Variants in NAPA observed in about 807,000 individuals in gnomAD.
The protein encoded by NAPA is NSF attachment protein alpha, also known as alpha-soluble NSF attachment protein.
NAPA carries 18 observed loss-of-function variants against 48.0 expected under a neutral mutation model. The ratio of observed to expected loss-of-function variants is 0.38; its 90% CI spans 0.26 to 0.56. The LOEUF is 0.56. Among genes scored for constraint, NAPA ranks in the 20% least tolerant of loss-of-function variants. The pLI, the probability that NAPA is intolerant of heterozygous loss-of-function variation, is 0.77. For missense variants in NAPA, 315 were observed against 385.0 expected, an observed-to-expected ratio of 0.82 and a Z score of 1.52; for synonymous variants, 152 against 149.9, an observed-to-expected ratio of 1.01 and a Z score of -0.10.
At chr19:47,499,970 A>G (rs1227716953) in intron 3 of NAPA, among the ~76,000 whole-genome samples, 1 of 152,224 alleles carries the variant, frequency 6.6e-6, no homozygotes, top group Non-Finnish European at 1.5e-5. Context: ...TGGCACCAAC[A>G]TTTTAAAAAA....
At chr19:47,492,194 G>A in intron 7 of NAPA, 75 bp from the exon 8 acceptor site, 1 of 1,339,970 alleles carries the variant, frequency 7.5e-7, no homozygotes, top group Non-Finnish European at 1.1e-6. Flanking sequence ...CCAGGCACTG[G>A]GGGGCCAGCT....
In NAPA at chr19:47,492,957, C is replaced by G. The variant is rs1391174903; in HGVS notation, c.561+4G>C. 1.2e-6 allele frequency: 2 copies of G among 1,613,966 alleles called. No homozygotes were observed. The highest frequency in any genetic ancestry group is 2.7e-5 in the African/African-American group (2 of 74,904). On this transcript the variant is annotated splice_donor_region_variant and intron_variant, in intron 7 of 10. Coordinates refer to ENST00000263354, the MANE Select transcript of NAPA (RefSeq NM_003827.4). ...TGGAAGCCGCCATCCCCACCTGTCC[C>G]CACCTGTTCGTAGATGTCAATGGCC...
intron 2 of NAPA, 80 bp from the exon 3 acceptor site, chr19:47,500,829 G>T: frequency 8.7e-7 from 1 of 1,144,038 alleles, no homozygotes; most frequent in Non-Finnish European, 1.2e-6. Context: ...GCCCTGGGAG[G>T]TGGGTCGGGC....
At chr19:47,502,101 C>T (rs1257829623) in intron 2 of NAPA, among the ~76,000 whole-genome samples, 3 of 151,662 alleles carry the variant, frequency 2.0e-5, no homozygotes, top group Non-Finnish European at 2.9e-5. Flanking sequence ...ATAAGCTGGG[C>T]GTAGTGGCAC....
chr19:47,510,197 G>A (rs1968779456), intron 1 of NAPA, among the ~76,000 whole-genome samples: 1 of 152,230 alleles, frequency 6.6e-6, no homozygotes, highest in African/African-American at 2.4e-5. Flanking sequence ...AAGGCGGTCT[G>A]GAGAGAAATC....
At chr19:47,495,803 ACT>A (rs1968408332) in intron 3 of NAPA, 1 of 583,300 alleles carries the variant, frequency 1.7e-6, no homozygotes, top group Non-Finnish European at 3.1e-6. Flanking sequence ...GAGAGGGCTG[ACT>A]CTGCAGACTG....
At chr19:47,503,629 C>A in intron 1 of NAPA, 127 bp from the exon 2 acceptor site, 2 of 858,254 alleles carry the variant, frequency 2.3e-6, no homozygotes, top group Non-Finnish European at 3.8e-6. Flanking sequence ...AAGCCAGCTT[C>A]CCCCAGGCCT....
intron 10 of NAPA, chr19:47,488,811 G>A (rs963706086): frequency 2.0e-5 from 3 of 152,888 alleles, no homozygotes; most frequent in Admixed American, 2.0e-4. Flanking sequence ...CAGCTACTCG[G>A]GAGGCTGAGG....
chr19:47,493,387 A>T lies in NAPA; in HGVS notation c.420+29T>A. The T allele has an allele frequency of 6.2e-7, 1 of 1,610,362 alleles. No individual in the cohort carries two copies. Among genetic ancestry groups the T allele is most frequent in the Non-Finnish European group, 8.5e-7 (1 of 1,176,802 alleles). ...GAGAGCAGCACTGGTCCTGGCTGCCAGCCCATGCAGGGCCCTGCTGCCACT... is the reference window on the plus strand; with the variant it reads ...GAGAGCAGCACTGGTCCTGGCTGCCTGCCCATGCAGGGCCCTGCTGCCACT... On this transcript the variant is annotated intron_variant, in intron 5 of 10. Coordinates refer to ENST00000263354, the MANE Select transcript of NAPA (RefSeq NM_003827.4). The surrounding 1 kb of genome is among the most constrained non-coding windows in gnomAD (Gnocchi z 6.4).
chr19:47,498,601 T>G (rs570759506), intron 3 of NAPA, among the ~76,000 whole-genome samples: 4 of 152,300 alleles, frequency 2.6e-5, no homozygotes, highest in African/African-American at 7.2e-5. Context: ...GGCTTTTTTT[T>G]GGGGACAGGA....
Position 47,514,916 on chromosome 19 carries a change from C to T in NAPA, c.25G>A (p.Glu9Lys), listed in dbSNP as rs141536777. The T allele has an allele frequency of 7.6e-4, 1,219 of 1,613,870 alleles. 9 individuals are homozygous for T. The highest frequency in any genetic ancestry group is 5.5e-4 in the Admixed American group (33 of 59,996). Residue 9 changes from glutamate to lysine, a missense_variant, in exon 1 of 11, where the codon GAG becomes AAG. Glu to Lys is a moderately conservative substitution (Grantham distance 56). This residue lies in a region of NAPA where 173 missense variants were observed against 213.5 expected (regional missense o/e 0.81). Coordinates refer to ENST00000263354, the MANE Select transcript of NAPA (RefSeq NM_003827.4). MDNSGKEA[E>K]AMALLAEAER... ...GCCTCGGCCAACAGCGCCATCGCCT[C>T]CGCTTCCTTCCCGGAATTGTCCATG... is the stretch of plus-strand genomic sequence containing the variant.
rs766175658 is a variant in NAPA, at chr19:47,490,760, G to T, written c.735+28C>A. The T allele has an allele frequency of 1.9e-6, 3 of 1,608,578 alleles. No homozygotes were observed. In the South Asian group the frequency reaches 3.3e-5, roughly 18 times the overall value. On this transcript the variant is annotated intron_variant, in intron 9 of 10. Transcript: ENST00000263354. The stretch of plus-strand genomic sequence containing the variant: ...GCCACCCCCGTCTGAGGTTCGGGAA[G>T]GGGGAGGCCGGAGCACCCAGCACTT...
chr19:47,488,395 G>A lies in NAPA; in HGVS notation c.787-6C>T, dbSNP rs745804380. On this transcript the variant is annotated splice_region_variant and splice_polypyrimidine_tract_variant and intron_variant, in intron 10 of 10. Coordinates refer to ENST00000263354, the MANE Select transcript of NAPA (RefSeq NM_003827.4). ...ATGGAGTCGTATTCCTTCACCTGAG[G>A]GCACACCAGGTGATAGGCTGGCCAT... The A allele has an allele frequency of 1.9e-6, 3 of 1,608,432 alleles. No individual in the cohort carries two copies. Among genetic ancestry groups the A allele is most frequent in the Non-Finnish European group, 2.6e-6 (3 of 1,175,582 alleles).
At chr19:47,511,303 C>T (rs1016968946) in intron 1 of NAPA, among the ~76,000 whole-genome samples, 1 of 152,182 alleles carries the variant, frequency 6.6e-6, no homozygotes, top group Non-Finnish European at 1.5e-5. Context: ...CAAGCAGGTC[C>T]TCCCAAGCTG....
chr19:47,496,769 C>T, intron 3 of NAPA: 1 of 432,634 alleles, frequency 2.3e-6, no homozygotes, highest in South Asian at 1.6e-5. Context: ...GACAGAGGCT[C>T]TTTGTCTCAG....
At chr19:47,491,959 G>A (rs1300848431) in intron 8 of NAPA, 56 bp downstream of exon 8, 2 of 1,509,810 alleles carry the variant, frequency 1.3e-6, no homozygotes, top group African/African-American at 2.7e-5. Context: ...GACCTGGCCT[G>A]GAGATAAGCA....
chr19:47,510,713 G>A (rs1968789157), intron 1 of NAPA, among the ~76,000 whole-genome samples: 2 of 152,184 alleles, frequency 1.3e-5, no homozygotes, highest in Admixed American at 6.5e-5. Flanking sequence ...ATCCCCAAAC[G>A]GCACAGCAGG....
chr19:47,505,958 A>G (rs548917950), intron 1 of NAPA, among the ~76,000 whole-genome samples: 1 of 149,942 alleles, frequency 6.7e-6, no homozygotes, highest in Non-Finnish European at 1.5e-5. Flanking sequence ...CACCTCAGCC[A>G]GCCCAACACA....
intron 9 of NAPA, 76 bp from the exon 10 acceptor site, chr19:47,489,837 G>A (rs1235865551): frequency 2.3e-5 from 34 of 1,502,548 alleles, no homozygotes; most frequent in Admixed American, 7.1e-5. Context: ...GAAAGGACAC[G>A]CTATCTGTAT....
Sources: gnomAD v4.1 joint callset for allele counts (sites outside exome capture counted in the v4.1 genomes callset) on GRCh38, gnomAD v4.1.1 for gene constraint, gnomAD v4.1.1 regional missense constraint, Gnocchi (gnomAD v3.1) non-coding constraint, MANE v1.5 for transcripts, NCBI Gene and HGNC (gene_info 2026-07-23, HGNC 2026-07-21) for gene names.